TSPYL5: variants seen among roughly 807,000 people sequenced by gnomAD.
The protein encoded by TSPYL5 is TSPY like 5.
For synonymous variants in TSPYL5, 276 were observed against 236.1 expected (o/e 1.17, Z -1.55); for missense variants, 556 against 555.5 (o/e 1.00, Z -0.01).
In TSPYL5 at chr8:97,275,181, A is replaced by G. The variant is rs1203776491; in HGVS notation, c.*1410T>C. 1 of 152,166 alleles carries G rather than the reference A, an allele frequency of 6.6e-6. No individual in the cohort carries two copies. The highest frequency in any genetic ancestry group is 1.5e-5 in the Non-Finnish European group (1 of 68,060). The allele number at this position is 152,166 out of a possible 1,614,324, so 9.4% of individuals were successfully genotyped here. ...TTTTCAACTTCAGAACTGTAGAGCA[A>G]GCGCAGGAGACAGGTTCAGGGTTTG... On this transcript the variant is annotated 3_prime_UTR_variant, in exon 1 of 1. Coordinates refer to ENST00000322128, the MANE Select transcript of TSPYL5 (RefSeq NM_033512.3).
At position 97,274,569 on chromosome 8, in the gene TSPYL5, CT is replaced by C. The variant is rs1810481519; in HGVS notation, c.*2021del. The C allele has an allele frequency of 1.3e-5, 2 of 151,464 alleles. No homozygotes were observed. Among genetic ancestry groups the C allele is most frequent in the African/African-American group, 4.9e-5 (2 of 40,832 alleles). The allele number at this position is 151,464 out of a possible 1,614,324, so 9.4% of individuals were successfully genotyped here. A position where few individuals can be genotyped will look rare whatever the true frequency, so the allele number is the denominator to read the frequency against. ...ACTCTATCACTGAGAGACAGGCATG[CT>C]CCCCCTGCGGCTTCTCAAGCCATTT... is the stretch of plus-strand genomic sequence containing the variant. On this transcript the variant is annotated 3_prime_UTR_variant, in exon 1 of 1. Transcript: ENST00000322128.
At position 97,276,307 on chromosome 8, in the gene TSPYL5, C is replaced by G. The variant is rs149535473; in HGVS notation, c.*284G>C. The stretch of plus-strand genomic sequence containing the variant: ...AAAGACAAGTAGGAAAGGCCAGAGC[C>G]AAGAACAAGGTCCAGGCAATGTAGA... On this transcript the variant is annotated 3_prime_UTR_variant, in exon 1 of 1. Coordinates refer to ENST00000322128, the MANE Select transcript of TSPYL5 (RefSeq NM_033512.3). 4.2e-4 allele frequency: 155 copies of G among 365,138 alleles called. No homozygotes were observed. Among genetic ancestry groups the G allele is most frequent in the African/African-American group, 2.9e-3 (140 of 48,392 alleles). The allele number at this position is 365,138 out of a possible 1,614,324, so 22.6% of individuals were successfully genotyped here. A position where few individuals can be genotyped will look rare whatever the true frequency, so the allele number is the denominator to read the frequency against.
Position 97,276,608 on chromosome 8 carries a change from C to A in TSPYL5, c.1237G>T (p.Val413Leu), listed in dbSNP as rs1810520745. 1 of 1,613,482 alleles carries A rather than the reference C, an allele frequency of 6.2e-7. No individual in the cohort carries two copies. The highest frequency in any genetic ancestry group is 8.5e-7 in the Non-Finnish European group (1 of 1,179,660). ...KQPMETTQPG[V>L]SQSN Reference sequence around the variant, plus strand: ...GTGCAGGATCAGTTGGATTGGCTCACCCCAGGCTGAGTAGTCTCCATTGGC... The same window carrying A: ...GTGCAGGATCAGTTGGATTGGCTCAACCCAGGCTGAGTAGTCTCCATTGGC... Residue 413 changes from valine (V) to leucine (L), a missense_variant, in exon 1 of 1, where the codon GTG (valine) becomes TTG (leucine). Transcript: ENST00000322128.
rs1293059605 is a variant in TSPYL5, at chr8:97,275,954, T to C, written c.*637A>G. 6.5e-6 allele frequency: 1 copy of C among 152,910 alleles called. No individual in the cohort carries two copies. The allele number at this position is 152,910 out of a possible 1,614,324, so 9.5% of individuals were successfully genotyped here. A position where few individuals can be genotyped will look rare whatever the true frequency, so the allele number is the denominator to read the frequency against. ...ATGGTACAGAACACATGGCATACTGTTTCTTGCCCTTAACTTCATGCATGC... is the reference window on the plus strand; with the variant it reads ...ATGGTACAGAACACATGGCATACTGCTTCTTGCCCTTAACTTCATGCATGC... On this transcript the variant is annotated 3_prime_UTR_variant, in exon 1 of 1. Coordinates refer to ENST00000322128, the MANE Select transcript of TSPYL5 (RefSeq NM_033512.3).
Position 97,277,124 on chromosome 8 carries a change from T to G in TSPYL5, c.721A>C (p.Arg241=). ...GQLRLQHLER[R]NHLIQNIPGF... is the part of the protein sequence containing the mutation. ...GGGATATTTTGGATGAGGTGGTTCC[T>G]GCGCTCCAAGTGCTGCAGTCGCAAC... Residue 241 remains arginine, a synonymous_variant, in exon 1 of 1, where the codon AGG becomes CGG. Transcript: ENST00000322128. The surrounding 1 kb of genome is among the most constrained non-coding windows in gnomAD (Gnocchi z 4.5). 1 of 1,610,786 alleles carries G rather than the reference T, an allele frequency of 6.2e-7. No individual in the cohort carries two copies. Among genetic ancestry groups the G allele is most frequent in the Non-Finnish European group, 8.5e-7 (1 of 1,180,018 alleles).
At position 97,276,192 on chromosome 8, in the gene TSPYL5, A is replaced by C. The variant is rs2130735793; in HGVS notation, c.*399T>G. The stretch of plus-strand genomic sequence containing the variant: ...TAGATGACATGCATGGCCAGCATGA[A>C]CACGAAGCCCAGCAAGTCACTGGCC... On this transcript the variant is annotated 3_prime_UTR_variant, in exon 1 of 1. Coordinates refer to ENST00000322128, the MANE Select transcript of TSPYL5 (RefSeq NM_033512.3). 1.0e-5 allele frequency: 2 copies of C among 192,772 alleles called. No individual in the cohort carries two copies. The highest frequency in any genetic ancestry group is 1.1e-4 in the Admixed American group (2 of 18,812). 11.9% of individuals were successfully genotyped at this position (192,772 alleles called of 1,614,324 possible).
chr8:97,277,654 G>T lies in TSPYL5; in HGVS notation c.191C>A (p.Ala64Asp). The change falls in exon 1 of 1, where the codon GCC (alanine) becomes GAC (aspartate). Residue 64 changes from alanine (A) to aspartate (D), a missense_variant. Physicochemically the swap from Ala to Asp is moderately radical, Grantham distance 126. Transcript: ENST00000322128. The surrounding 1 kb of genome is among the most constrained non-coding windows in gnomAD (Gnocchi z 4.5). ...CCGGAGGAGCTGCGCGGACGCAGCG[G>T]CTTCCAGGCCACCCCACCCCGCGCC... is the stretch of plus-strand genomic sequence containing the variant. ...QAGAGWGGLE[A>D]AASAQLLRLG... The T allele has an allele frequency of 6.8e-7, 1 of 1,471,536 alleles. No individual in the cohort carries two copies. Among genetic ancestry groups the T allele is most frequent in the Non-Finnish European group, 9.0e-7 (1 of 1,115,790 alleles). 91.2% of individuals were successfully genotyped at this position (1,471,536 alleles called of 1,614,324 possible).
In TSPYL5 at chr8:97,276,685, G is replaced by T; in HGVS notation, c.1160C>A (p.Ala387Asp). ...PLQFYLLSEGARVEKGKEKEG... is the reference protein window; with the variant it reads ...PLQFYLLSEGDRVEKGKEKEG... The stretch of plus-strand genomic sequence containing the variant: ...TTTTTCCTTTCCTTTCTCTACACGA[G>T]CCCCTTCACTCAAAAGGTAGAACTG... Residue 387 changes from alanine to aspartate, a missense_variant, in exon 1 of 1, where the codon GCT becomes GAT. Transcript: ENST00000322128. 1 of 1,614,146 alleles carries T rather than the reference G, an allele frequency of 6.2e-7. No individual in the cohort carries two copies. The highest frequency in any genetic ancestry group is 8.5e-7 in the Non-Finnish European group (1 of 1,180,046).
Position 97,277,263 on chromosome 8 carries a change from C to T in TSPYL5, c.582G>A (p.Gly194=). ...CCATGCTGCCTTCCGTCGCTGGGGG[C>T]CCCGACCCTGCATCCCTCTCTTCCT... ...EKKEERDAGS[G]PPATEGSMDT... Residue 194 remains glycine (G), a synonymous_variant, in exon 1 of 1, where the codon GGG becomes GGA. Coordinates refer to ENST00000322128, the MANE Select transcript of TSPYL5 (RefSeq NM_033512.3). This position sits in a 1 kb window ranked among gnomAD's most constrained non-coding sequence, Gnocchi z 4.5. 1.2e-6 allele frequency: 2 copies of T among 1,613,906 alleles called. No individual in the cohort carries two copies. The highest frequency in any genetic ancestry group is 2.2e-5 in the East Asian group (1 of 44,854).
In TSPYL5 at chr8:97,277,901, G is replaced by C. The variant is rs552658348; in HGVS notation, c.-57C>G. ...TGTGACCCTGCGGCTCCTGACGCCAGCTCTCGGTCGGGACCGAGCGGGTCT... is the reference window on the plus strand; with the variant it reads ...TGTGACCCTGCGGCTCCTGACGCCACCTCTCGGTCGGGACCGAGCGGGTCT... On this transcript the variant is annotated 5_prime_UTR_variant, in exon 1 of 1. Transcript: ENST00000322128. The surrounding 1 kb of genome is among the most constrained non-coding windows in gnomAD (Gnocchi z 4.5). The C allele has an allele frequency of 1.5e-6, 2 of 1,334,864 alleles. No homozygotes were observed. The highest frequency in any genetic ancestry group is 2.1e-4 in the Middle Eastern group (1 of 4,676). The allele number at this position is 1,334,864 out of a possible 1,614,324, so 82.7% of individuals were successfully genotyped here.
rs1430027507 is a variant in TSPYL5, at chr8:97,277,161, C to T, written c.684G>A (p.Arg228=). 1.2e-6 allele frequency: 2 copies of T among 1,611,276 alleles called. No individual in the cohort carries two copies. The highest frequency in any genetic ancestry group is 1.7e-5 in the Admixed American group (1 of 60,032). The stretch of plus-strand genomic sequence containing the variant: ...GCTGCAGTCGCAACTGCCCAAACTT[C>T]CTGGAGAGCCGAAGGTAGGCCCTGT... ...QADRAYLRLS[R]KFGQLRLQHL... The change falls in exon 1 of 1, where the codon AGG becomes AGA. Residue 228 remains arginine (R), a synonymous_variant. Coordinates refer to ENST00000322128, the MANE Select transcript of TSPYL5 (RefSeq NM_033512.3). The surrounding 1 kb of genome is among the most constrained non-coding windows in gnomAD (Gnocchi z 4.5).
rs1172836039 is a variant in TSPYL5 at position 97,277,786 on chromosome 8, C to A, written c.59G>T (p.Arg20Leu). ...AGCAGGGCGGACTCGGGCTTTGGCG[C>A]GGCCTTTGCCCCGGTTTTTGGCGCG... The part of the protein sequence containing the change: ...SSRAKNRGKG[R>L]AKARVRPAPD... Residue 20 changes from arginine (R) to leucine (L), a missense_variant, in exon 1 of 1, where the codon CGC becomes CTC. Coordinates refer to ENST00000322128, the MANE Select transcript of TSPYL5 (RefSeq NM_033512.3). The surrounding 1 kb of genome is among the most constrained non-coding windows in gnomAD (Gnocchi z 4.5). The A allele has an allele frequency of 6.7e-7, 1 of 1,501,314 alleles. No individual in the cohort carries two copies. The highest frequency in any genetic ancestry group is 8.8e-7 in the Non-Finnish European group (1 of 1,131,304). 93.0% of individuals were successfully genotyped at this position (1,501,314 alleles called of 1,614,324 possible).
At position 97,275,899 on chromosome 8, in the gene TSPYL5, G is replaced by C. The variant is rs1406762681; in HGVS notation, c.*692C>G. On this transcript the variant is annotated 3_prime_UTR_variant, in exon 1 of 1. Coordinates refer to ENST00000322128, the MANE Select transcript of TSPYL5 (RefSeq NM_033512.3). Reference sequence around the variant, plus strand: ...AGATCTTGATGAAAGTTCACCAGTAGAAGGGCCCAGAAGCAAGAAGAGACA... The same window carrying C: ...AGATCTTGATGAAAGTTCACCAGTACAAGGGCCCAGAAGCAAGAAGAGACA... The C allele has an allele frequency of 6.6e-6, 1 of 152,258 alleles. No homozygotes were observed. Among genetic ancestry groups the C allele is most frequent in the African/African-American group, 2.4e-5 (1 of 41,424 alleles). The allele number at this position is 152,258 out of a possible 1,614,324, so 9.4% of individuals were successfully genotyped here. A position where few individuals can be genotyped will look rare whatever the true frequency, so the allele number is the denominator to read the frequency against.
rs1810526455 is a variant in TSPYL5 at position 97,276,815 on chromosome 8, G to C, written c.1030C>G (p.Pro344Ala). 1 of 1,614,100 alleles carries C rather than the reference G, an allele frequency of 6.2e-7. No individual in the cohort carries two copies. Among genetic ancestry groups the C allele is most frequent in the African/African-American group, 1.3e-5 (1 of 74,934 alleles). The change falls in exon 1 of 1, where the codon CCA becomes GCA. Residue 344 changes from proline (P) to alanine (A), a missense_variant. By Grantham distance (27) the Pro-to-Ala change is conservative. Transcript: ENST00000322128. ...CCAAAGAAACTACGGTTGTTTTCTG[G>C]GTTTCCCTGGCTTAGGGACTGGAGA... is the stretch of plus-strand genomic sequence containing the variant. The part of the protein sequence containing the change: ...HDLQSLSQGN[P>A]ENNRSFFGWF...
rs372602091 is a variant in TSPYL5, at chr8:97,276,954, G to A, written c.891C>T (p.Tyr297=). The part of the protein sequence containing the change: ...LARLGYKIKF[Y]FDRNPYFQNK... ...TTTGGAAATACGGGTTGCGATCGAA[G>A]TAGAACTTGATTTTGTAGCCCAATC... Residue 297 remains tyrosine (Y), a synonymous_variant, in exon 1 of 1, where the codon TAC becomes TAT. Coordinates refer to ENST00000322128, the MANE Select transcript of TSPYL5 (RefSeq NM_033512.3). 1.4e-5 allele frequency: 22 copies of A among 1,614,090 alleles called. No individual in the cohort carries two copies. The African/African-American group carries it at 2.3e-4, about 17-fold the overall frequency.
rs868071231 is a variant in TSPYL5, at chr8:97,276,781, G to A, written c.1064C>T (p.Ser355Leu). Reference protein sequence around the residue: ...ENNRSFFGWFSNHSSIESDKI... With the variant: ...ENNRSFFGWFLNHSSIESDKI... ...GTCAGACTCAATGGAGCTGTGGTTT[G>A]AAAACCACCCAAAGAAACTACGGTT... The change falls in exon 1 of 1, where the codon TCA becomes TTA. Residue 355 changes from serine to leucine, a missense_variant. Ser to Leu is a moderately radical substitution (Grantham distance 145, BLOSUM62 -2). Transcript: ENST00000322128. 1 of 1,614,182 alleles carries A rather than the reference G, an allele frequency of 6.2e-7. No homozygotes were observed. Among genetic ancestry groups the A allele is most frequent in the Non-Finnish European group, 8.5e-7 (1 of 1,180,028 alleles).
rs751957994 is a variant in TSPYL5, at chr8:97,276,615, C to T, written c.1230G>A (p.Gln410=). The T allele has an allele frequency of 1.5e-5, 25 of 1,613,714 alleles. No homozygotes were observed. Among genetic ancestry groups the T allele is most frequent in the Admixed American group, 1.0e-4 (6 of 59,988 alleles). Residue 410 remains glutamine (Q), a synonymous_variant, in exon 1 of 1, where the codon CAG becomes CAA. Coordinates refer to ENST00000322128, the MANE Select transcript of TSPYL5 (RefSeq NM_033512.3). ...ATCAGTTGGATTGGCTCACCCCAGG[C>T]TGAGTAGTCTCCATTGGCTGCTTTC... The part of the protein sequence containing the change: ...GPGKQPMETT[Q]PGVSQSN
In TSPYL5 at chr8:97,276,398, AC is replaced by A; in HGVS notation, c.*192del. ...TGAACAGTCCGGGTGCGATCACATA[AC>A]ATGTGACACTAACGTAGAAAAGCAA... On this transcript the variant is annotated 3_prime_UTR_variant, in exon 1 of 1. Transcript: ENST00000322128. 1 of 708,632 alleles carries A rather than the reference AC, an allele frequency of 1.4e-6. No individual in the cohort carries two copies. Among genetic ancestry groups the A allele is most frequent in the Admixed American group, 2.5e-5 (1 of 39,438 alleles). The allele number at this position is 708,632 out of a possible 1,614,324, so 43.9% of individuals were successfully genotyped here. A position where few individuals can be genotyped will look rare whatever the true frequency, so the allele number is the denominator to read the frequency against.
Position 97,277,387 on chromosome 8 carries a change from C to T in TSPYL5, c.458G>A (p.Cys153Tyr), listed in dbSNP as rs755679187. 1 of 1,595,256 alleles carries T rather than the reference C, an allele frequency of 6.3e-7. No homozygotes were observed. Among genetic ancestry groups the T allele is most frequent in the Non-Finnish European group, 8.5e-7 (1 of 1,171,638 alleles). The change falls in exon 1 of 1, where the codon TGT becomes TAT. Residue 153 changes from cysteine (C) to tyrosine (Y), a missense_variant. Transcript: ENST00000322128. The surrounding 1 kb of genome is among the most constrained non-coding windows in gnomAD (Gnocchi z 4.5). ...CTGAGGCCCCCTCCCCGCGGTGCTA[C>T]AGGTTTCTGGGGCCTTCTTCCCGGC... ...GPAGKKAPET[C>Y]STAGRGPQVI... is the part of the protein sequence containing the mutation.
Sources: gnomAD v4.1 joint callset for allele counts on GRCh38, gnomAD v4.1.1 for gene constraint, Gnocchi (gnomAD v3.1) non-coding constraint, MANE v1.5 for transcripts, NCBI Gene and HGNC (gene_info 2026-07-23, HGNC 2026-07-21) for gene names.